GNE: variants seen among roughly 807,000 people sequenced by gnomAD.
GNE encodes bifunctional UDP-N-acetylglucosamine 2-epimerase/N-acetylmannosamine kinase.
A neutral mutation model predicts 61.8 loss-of-function variants in GNE; 41 were observed. The observed-to-expected ratio is 0.66, with a 90% CI of 0.52 to 0.86. The LOEUF (loss-of-function observed/expected upper bound fraction) is 0.86, where lower values mean the gene tolerates loss of function less well. Among genes scored for constraint, GNE ranks in the 40% least tolerant of loss-of-function variants. The pLI is 0.00. For missense variants in GNE, 608 were observed against 909.1 expected (o/e 0.67, Z 4.26); for synonymous variants, 264 against 326.4 (o/e 0.81, Z 2.06).
chr9:36,270,187 T>C (rs1830971332), intron 1 of GNE, among the ~76,000 whole-genome samples: 1 of 152,136 alleles, frequency 6.6e-6, no homozygotes, highest in African/African-American at 2.4e-5. Flanking sequence ...GGTATCGAAC[T>C]CCTGGCCTCA....
upstream of GNE, among the ~76,000 whole-genome samples, chr9:36,259,597 A>G (rs1004084959): frequency 6.6e-6 from 1 of 152,326 alleles, no homozygotes; most frequent in African/African-American, 2.4e-5. Flanking sequence ...AAAAGGTCAC[A>G]TTAGCCACAA....
chr9:36,256,124 A>T (rs1830322332), intron 1 of GNE, among the ~76,000 whole-genome samples: 2 of 150,852 alleles, frequency 1.3e-5, no homozygotes, highest in Admixed American at 6.6e-5. Context: ...GTGGGGTTTC[A>T]CCATGTTGGC....
chr9:36,253,822 G>A (rs1229423520), intron 1 of GNE, among the ~76,000 whole-genome samples: 5 of 148,758 alleles, frequency 3.4e-5, no homozygotes, highest in Non-Finnish European at 7.5e-5. Flanking sequence ...CGGATCACCT[G>A]AGGTCACGAG....
At chr9:36,248,852 A>T (rs1395756301) in intron 2 of GNE, among the ~76,000 whole-genome samples, 1 of 152,220 alleles carries the variant, frequency 6.6e-6, no homozygotes, top group Non-Finnish European at 1.5e-5. Context: ...TTATACTCAT[A>T]CAATATGTAT....
At chr9:36,239,475 CTT>C (rs370624446) in intron 3 of GNE, among the ~76,000 whole-genome samples, 3 of 146,922 alleles carry the variant, frequency 2.0e-5, no homozygotes, top group East Asian at 2.0e-4. Context: ...CTTTTTCTCT[CTT>C]TTTTTTTTCT....
intron 1 of GNE, among the ~76,000 whole-genome samples, chr9:36,264,150 G>T (rs369424113): frequency 6.7e-6 from 1 of 149,898 alleles, no homozygotes; most frequent in Non-Finnish European, 1.5e-5. Flanking sequence ...TGTTTTTTTT[G>T]GAGACAGAGT....
intron 3 of GNE, 23 bp from the exon 4 acceptor site, chr9:36,237,007 C>T (rs1221917074): frequency 6.3e-7 from 1 of 1,579,706 alleles, no homozygotes; most frequent in Non-Finnish European, 8.7e-7. Context: ...AATCAAACCA[C>T]ATTGCTTCAT....
At chr9:36,220,088 C>T in intron 9 of GNE, 68 bp from the exon 10 acceptor site, 3 of 1,275,400 alleles carry the variant, frequency 2.4e-6, no homozygotes, top group Admixed American at 1.7e-5. Context: ...ATCACAACGC[C>T]TCATCTATTT....
intron 4 of GNE, among the ~76,000 whole-genome samples, chr9:36,236,386 GACAGGGTTTC>G (rs1264596725): frequency 1.3e-5 from 2 of 152,144 alleles, no homozygotes; most frequent in Non-Finnish European, 2.9e-5. Flanking sequence ...TTTTAGCAGA[GACAGGGTTTC>G]ACCATCTTGG....
chr9:36,224,081 T>C (rs889168748), intron 7 of GNE, among the ~76,000 whole-genome samples: 1 of 151,946 alleles, frequency 6.6e-6, no homozygotes, highest in African/African-American at 2.4e-5. Context: ...AAGTTCAATG[T>C]TCGCTAATTT....
intron 7 of GNE, among the ~76,000 whole-genome samples, chr9:36,224,761 T>C (rs953872255): frequency 2.6e-5 from 4 of 152,110 alleles, no homozygotes; most frequent in African/African-American, 9.7e-5. Context: ...TCTCAGCTAC[T>C]TGAGAGGCTG....
intron 5 of GNE, among the ~76,000 whole-genome samples, chr9:36,232,612 C>T (rs1829223576): frequency 6.6e-6 from 1 of 152,208 alleles, no homozygotes; most frequent in Non-Finnish European, 1.5e-5. Context: ...CCCTGATCCT[C>T]ACATAGCTGA....
At chr9:36,254,270 T>C (rs1830239565) in intron 1 of GNE, among the ~76,000 whole-genome samples, 1 of 151,850 alleles carries the variant, frequency 6.6e-6, no homozygotes, top group South Asian at 2.1e-4. Flanking sequence ...CTCATGCCTG[T>C]AATCCCAGCA....
intron 1 of GNE, among the ~76,000 whole-genome samples, chr9:36,250,862 G>T (rs572130254): frequency 2.0e-5 from 3 of 152,074 alleles, no homozygotes; most frequent in African/African-American, 7.2e-5. Flanking sequence ...TGTATTTTTA[G>T]TAGAGATGGG....
intron 3 of GNE, among the ~76,000 whole-genome samples, chr9:36,237,677 C>T (rs936480308): frequency 7.3e-5 from 11 of 151,534 alleles, no homozygotes; most frequent in Admixed American, 4.6e-4. Flanking sequence ...TTTATTTTTC[C>T]ATAAGTTATT....
Position 36,218,272 on chromosome 9 carries a change from G to A in GNE, c.1844C>T (p.Ser615Leu). The A allele has an allele frequency of 6.2e-7, 1 of 1,613,956 alleles. No individual in the cohort carries two copies. Among genetic ancestry groups the A allele is most frequent in the Non-Finnish European group, 8.5e-7 (1 of 1,179,878 alleles). Residue 615 changes from serine to leucine, a missense_variant, in exon 11 of 12, where the codon TCA (serine) becomes TTA (leucine). Ser to Leu is a moderately radical substitution (Grantham distance 145). Coordinates refer to ENST00000642385, the MANE Select transcript of GNE (RefSeq NM_005476.7). This position sits in a 1 kb window ranked among gnomAD's most constrained non-coding sequence, Gnocchi z 4.1. Reference sequence around the variant, plus strand: ...ACCCACAGCCTCATCTTTTGGCACTGACATCCCTTCCACCAAGAGCAGGTC... The same window carrying A: ...ACCCACAGCCTCATCTTTTGGCACTAACATCCCTTCCACCAAGAGCAGGTC... Reference protein sequence around the residue: ...DEDLLLVEGMSVPKDEAVGAL... With the variant: ...DEDLLLVEGMLVPKDEAVGAL...
chr9:36,274,432 G>T (rs902790608), intron 1 of GNE, among the ~76,000 whole-genome samples: 3 of 151,934 alleles, frequency 2.0e-5, no homozygotes, highest in Non-Finnish European at 4.4e-5. Flanking sequence ...GTGCTTTCCT[G>T]GCCACGTACC....
chr9:36,216,328 T>TGTGTGTGTGTGTGTGTGTGTGTGC lies in GNE; in HGVS notation c.*1036_*1037insGCACACACACACACACACACACAC, dbSNP rs1828284955. 4.6e-6 allele frequency: 1 copy of TGTGTGTGTGTGTGTGTGTGTGTGC among 217,510 alleles called. No homozygotes were observed. Among genetic ancestry groups the TGTGTGTGTGTGTGTGTGTGTGTGC allele is most frequent in the Non-Finnish European group, 9.0e-6 (1 of 110,960 alleles). The allele number at this position is 217,510 out of a possible 1,614,324, so 13.5% of individuals were successfully genotyped here. Reference sequence around the variant, plus strand: ...TAGTTTGGGGTTAGAGGAGGAAGGATGTGTGTGTGTGTGTGTGTGTGTGTG... The same window carrying TGTGTGTGTGTGTGTGTGTGTGTGC: ...TAGTTTGGGGTTAGAGGAGGAAGGATGTGTGTGTGTGTGTGTGTGTGTGCGTGTGTGTGTGTGTGTGTGTGTGTG... On this transcript the variant is annotated 3_prime_UTR_variant, in exon 12 of 12. Transcript: ENST00000642385.
intron 7 of GNE, among the ~76,000 whole-genome samples, chr9:36,224,129 AG>A (rs1828745752): frequency 6.6e-6 from 1 of 151,526 alleles, no homozygotes; most frequent in African/African-American, 2.4e-5. Flanking sequence ...TTACTCTTTC[AG>A]GTTGACAAAA....
Sources: allele counts gnomAD v4.1 joint callset (sites outside exome capture counted in the v4.1 genomes callset), GRCh38; gene constraint gnomAD v4.1.1; non-coding constraint Gnocchi (gnomAD v3.1); transcripts MANE v1.5; gene names NCBI Gene and HGNC (gene_info 2026-07-23, HGNC 2026-07-21).